DNAJC1: variants seen among roughly 807,000 people sequenced by gnomAD.
DNAJC1 encodes the protein dnaJ homolog subfamily C member 1.
DNAJC1 carries 58 observed loss-of-function variants against 76.6 expected under a neutral mutation model. That is an observed-to-expected ratio of 0.76 (90% CI 0.61 to 0.94). The LOEUF is 0.94. Ranked by LOEUF, DNAJC1 falls within the 40% of genes least tolerant of loss-of-function variation. The pLI is 0.00. For missense variants in DNAJC1, 689 were observed against 677.3 expected, an observed-to-expected ratio of 1.02 and a Z score of -0.19; for synonymous variants, 258 against 267.9, an observed-to-expected ratio of 0.96 and a Z score of 0.36.
At chr10:21,922,529 G>A (rs1342612724) in intron 3 of DNAJC1, among the ~76,000 whole-genome samples, 2 of 151,878 alleles carry the variant, frequency 1.3e-5, no homozygotes, top group South Asian at 2.1e-4. Context: ...GAAAAATTTG[G>A]TGCTATTCTT....
chr10:21,865,482 T>C (rs1035817243), intron 8 of DNAJC1: 4 of 152,150 alleles, frequency 2.6e-5, no homozygotes, highest in African/African-American at 9.7e-5. Flanking sequence ...GAATTTACAC[T>C]GTATGATTAT....
chr10:21,763,339 A>C (rs1834261767), intron 10 of DNAJC1, among the ~76,000 whole-genome samples: 1 of 152,258 alleles, frequency 6.6e-6, no homozygotes. Flanking sequence ...TTAATATAAT[A>C]AAATGATTAA....
intron 8 of DNAJC1, among the ~76,000 whole-genome samples, chr10:21,832,779 A>G (rs775274807): frequency 5.5e-4 from 84 of 152,304 alleles, no homozygotes; most frequent in Non-Finnish European, 3.5e-4. Flanking sequence ...TATTTCTAAT[A>G]TGTGGACAAC....
chr10:21,988,047 CATAAT>C (rs1376034639), intron 1 of DNAJC1, among the ~76,000 whole-genome samples: 2 of 152,082 alleles, frequency 1.3e-5, no homozygotes, highest in Non-Finnish European at 2.9e-5. Context: ...AAGAATGTGT[CATAAT>C]TTACTCAAAT....
rs144933095 is a variant in DNAJC1 at position 21,867,485 on chromosome 10, T to C, written c.978+14797A>G. On this transcript the variant is annotated intron_variant, in intron 8 of 11. Coordinates refer to ENST00000376980, the MANE Select transcript of DNAJC1 (RefSeq NM_022365.4). The stretch of plus-strand genomic sequence containing the variant: ...GAGCCACATACTGAGAAAGGAATAA[T>C]ACAAGGTGGTCCCTGAGAGGAATAA... Among the ~76,000 whole-genome samples the C allele has an allele frequency of 1.2e-4, 18 of 152,192 alleles. No individual in the cohort carries two copies. In the East Asian group the frequency reaches 3.3e-3, roughly 28 times the overall value.
At chr10:21,962,208 C>CA (rs1156644978) in intron 1 of DNAJC1, among the ~76,000 whole-genome samples, 1 of 152,038 alleles carries the variant, frequency 6.6e-6, no homozygotes, top group Non-Finnish European at 1.5e-5. Context: ...ACAATAAGGG[C>CA]AGACATTTTG....
chr10:21,957,693 T>C (rs995348489), intron 1 of DNAJC1, among the ~76,000 whole-genome samples: 1 of 152,334 alleles, frequency 6.6e-6, no homozygotes, highest in Middle Eastern at 3.4e-3. Flanking sequence ...CTTTATACTT[T>C]GCTTTCTGTC....
At chr10:21,836,341 A>G (rs1835453072) in intron 8 of DNAJC1, among the ~76,000 whole-genome samples, 1 of 152,384 alleles carries the variant, frequency 6.6e-6, no homozygotes, top group East Asian at 1.9e-4. Context: ...AAACATGGAA[A>G]GGAACAACCA....
At chr10:21,759,651 G>A (rs1834218375) in intron 10 of DNAJC1, 33 bp from the exon 11 acceptor site, 1 of 1,593,700 alleles carries the variant, frequency 6.3e-7, no homozygotes, top group Non-Finnish European at 8.6e-7. Flanking sequence ...CAGAGGTGAA[G>A]GGCAAGGTGA....
chr10:21,828,977 T>C (rs1285528845), intron 8 of DNAJC1, among the ~76,000 whole-genome samples: 1 of 152,196 alleles, frequency 6.6e-6, no homozygotes, highest in African/African-American at 2.4e-5. Flanking sequence ...AAGCTGGGGT[T>C]GTTGTTTGAT....
chr10:21,764,310 GAA>G (rs750307778), intron 10 of DNAJC1, among the ~76,000 whole-genome samples: 4 of 152,214 alleles, frequency 2.6e-5, no homozygotes, highest in Admixed American at 2.6e-4. Flanking sequence ...ATGTGCATCA[GAA>G]AAGTCTGAAG....
chr10:21,886,308 A>G (rs990075301), intron 7 of DNAJC1, among the ~76,000 whole-genome samples: 1 of 152,176 alleles, frequency 6.6e-6, no homozygotes, highest in African/African-American at 2.4e-5. Context: ...GAATAGACCA[A>G]TAATGAGCTC....
chr10:21,776,480 CT>C (rs1259263588), intron 9 of DNAJC1, among the ~76,000 whole-genome samples: 1 of 152,190 alleles, frequency 6.6e-6, no homozygotes, highest in African/African-American at 2.4e-5. Context: ...TCTTGGTCAA[CT>C]TTCCACTTGA....
At chr10:21,895,142 G>A (rs60111702) in intron 7 of DNAJC1, among the ~76,000 whole-genome samples, 4,913 of 152,250 alleles carry the variant, frequency 0.032, 126 homozygotes, top group Middle Eastern at 0.065. Context: ...TTGGGTAATG[G>A]GTAGAAGCCA....
chr10:21,845,686 G>C (rs565009873), intron 8 of DNAJC1, among the ~76,000 whole-genome samples: 3 of 152,182 alleles, frequency 2.0e-5, no homozygotes, highest in African/African-American at 7.2e-5. Flanking sequence ...GTGGCACTTA[G>C]AAGTATAAAG....
intron 9 of DNAJC1, among the ~76,000 whole-genome samples, chr10:21,800,719 C>T (rs570483511): frequency 3.3e-5 from 5 of 152,154 alleles, no homozygotes; most frequent in East Asian, 3.9e-4. Context: ...TACAGAGAAA[C>T]GCTAAAGTCT....
At chr10:21,938,928 G>A (rs1837359780) in intron 1 of DNAJC1, among the ~76,000 whole-genome samples, 1 of 152,174 alleles carries the variant, frequency 6.6e-6, no homozygotes, top group African/African-American at 2.4e-5. Context: ...GTCTCGCTCT[G>A]TGGCCAGGCT....
intron 9 of DNAJC1, among the ~76,000 whole-genome samples, chr10:21,772,727 T>C (rs1160827576): frequency 6.6e-6 from 1 of 152,154 alleles, no homozygotes; most frequent in African/African-American, 2.4e-5. Context: ...TATTGTTCTC[T>C]ATTTCTTCCA....
At chr10:21,853,787 CAAAAAAAAAAAAAA>C (rs1011936425) in intron 8 of DNAJC1, among the ~76,000 whole-genome samples, 3 of 12,602 alleles carry the variant, frequency 2.4e-4, no homozygotes, top group South Asian at 7.6e-3. Context: ...GACTCCATCT[CAAAAAAAAAAAAAA>C]AAAAAAAAAA....
Sources: allele counts gnomAD v4.1 joint callset (sites outside exome capture counted in the v4.1 genomes callset), GRCh38; gene constraint gnomAD v4.1.1; transcripts MANE v1.5; gene names NCBI Gene and HGNC (gene_info 2026-07-23, HGNC 2026-07-21).